The following CSNK1A1 variants were observed in gnomAD, a reference collection of about 807,000 sequenced individuals.
The protein encoded by CSNK1A1 is casein kinase I isoform alpha.
In CSNK1A1, 7 loss-of-function variants were observed where a neutral mutation model predicts 46.1. The observed-to-expected ratio is 0.15, with a 90% CI of 0.09 to 0.29. The LOEUF (loss-of-function observed/expected upper bound fraction) is 0.29, where lower values mean the gene tolerates loss of function less well. Among genes scored for constraint, CSNK1A1 ranks in the 10% least tolerant of loss-of-function variants. CSNK1A1 has a pLI of 1.00. For missense variants in CSNK1A1, 96 were observed against 417.1 expected, an observed-to-expected ratio of 0.23 and a Z score of 6.71; for synonymous variants, 137 against 141.5, an observed-to-expected ratio of 0.97 and a Z score of 0.23.
At chr5:149,498,935 T>C (rs1760738443) in intron 9 of CSNK1A1, 1 of 985,376 alleles carries the variant, frequency 1.0e-6, no homozygotes, top group Non-Finnish European at 1.2e-6. Flanking sequence ...AGTCAATAAA[T>C]GATTACAATT....
intron 9 of CSNK1A1, 134 bp downstream of exon 9, chr5:149,505,311 CTT>C (rs573347539): frequency 2.7e-4 from 301 of 1,095,462 alleles, no homozygotes; most frequent in South Asian, 9.6e-4. Context: ...CCAAGGACGT[CTT>C]TTTTTTTTTA....
At chr5:149,499,755 A>T (rs7721529) in intron 9 of CSNK1A1, among the ~76,000 whole-genome samples, 98,045 of 151,750 alleles carry the variant, frequency 0.65, 32,967 homozygotes, top group East Asian at 0.99. Context: ...TAATTTCAAC[A>T]GTTTTCGACT....
rs951552341 is a variant in CSNK1A1 at position 149,551,279 on chromosome 5, G to C, written c.-315C>G. On this transcript the variant is annotated 5_prime_UTR_variant, in exon 1 of 10. Coordinates refer to ENST00000377843, the MANE Select transcript of CSNK1A1 (RefSeq NM_001892.6). ...TCGCGGGCTGGAAAAGGGGCGCGGT[G>C]AGCTAGGGCGGCGATACCGCTGCCA... 3.6e-6 allele frequency: 1 copy of C among 275,210 alleles called. No individual in the cohort carries two copies. Among genetic ancestry groups the C allele is most frequent in the East Asian group, 9.8e-5 (1 of 10,162 alleles). 17.0% of individuals were successfully genotyped at this position (275,210 alleles called of 1,614,324 possible).
Position 149,551,018 on chromosome 5 carries a change from G to T in CSNK1A1, c.-54C>A. ...CAAGCCCCGACACCTCTGGGAAGAG[G>T]ACGGAGGCCTCGGGGCTCCTACACT... is the stretch of plus-strand genomic sequence containing the variant. On this transcript the variant is annotated 5_prime_UTR_variant, in exon 1 of 10. Transcript: ENST00000377843. 6.2e-7 allele frequency: 1 copy of T among 1,608,198 alleles called. No individual in the cohort carries two copies.
intron 2 of CSNK1A1, among the ~76,000 whole-genome samples, chr5:149,534,354 C>T (rs1253846852): frequency 6.6e-6 from 1 of 151,664 alleles, no homozygotes; most frequent in Non-Finnish European, 1.5e-5. Context: ...TGGTGGCGCA[C>T]GCCTGTAGTC....
At chr5:149,506,052 G>A (rs1761012254) in intron 8 of CSNK1A1, among the ~76,000 whole-genome samples, 1 of 151,634 alleles carries the variant, frequency 6.6e-6, no homozygotes, top group South Asian at 2.1e-4. Flanking sequence ...TCGGCCTCCT[G>A]AGTAGCTGGG....
At chr5:149,523,688 T>C (rs1344452712) in intron 3 of CSNK1A1, among the ~76,000 whole-genome samples, 2 of 152,364 alleles carry the variant, frequency 1.3e-5, no homozygotes, top group South Asian at 2.1e-4. Flanking sequence ...AGTTTTTTCA[T>C]TGATCTATAA....
Position 149,516,616 on chromosome 5 carries a change from T to C in CSNK1A1, c.457-3407A>G, listed in dbSNP as rs78620713. Among the ~76,000 whole-genome samples the C allele has an allele frequency of 0.016, 2,459 of 152,240 alleles. 271 individuals carry two copies. In the East Asian group the frequency reaches 0.32, roughly 20 times the overall value. Reference sequence around the variant, plus strand: ...ACTTTCTTTGTAAATTATTAAATGATGCTACGAAATGTAAGCAAAATATGT... The same window carrying C: ...ACTTTCTTTGTAAATTATTAAATGACGCTACGAAATGTAAGCAAAATATGT... On this transcript the variant is annotated intron_variant, in intron 4 of 9. Transcript: ENST00000377843.
chr5:149,540,886 T>C (rs745933743), intron 2 of CSNK1A1, among the ~76,000 whole-genome samples: 18 of 151,794 alleles, frequency 1.2e-4, no homozygotes, highest in Non-Finnish European at 1.6e-4. Flanking sequence ...AAGACCAGCC[T>C]GGCCAATACG....
rs1761280454 is a variant in CSNK1A1 at position 149,513,050 on chromosome 5, C to T, written c.596+20G>A. ...GCTTCTGCTATGGCTATGATAAGCA[C>T]ATTCCATTTTCGAACTTACCTCTGC... On this transcript the variant is annotated intron_variant, in intron 5 of 9. Coordinates refer to ENST00000377843, the MANE Select transcript of CSNK1A1 (RefSeq NM_001892.6). 1 of 1,613,026 alleles carries T rather than the reference C, an allele frequency of 6.2e-7. No homozygotes were observed. The highest frequency in any genetic ancestry group is 8.5e-7 in the Non-Finnish European group (1 of 1,179,590).
chr5:149,542,682 A>ATG (rs1762335730), intron 2 of CSNK1A1, among the ~76,000 whole-genome samples: 1 of 15,530 alleles, frequency 6.4e-5, no homozygotes, highest in Admixed American at 1.3e-3. Context: ...GTATATATAT[A>ATG]TATATATATA....
At chr5:149,505,378 T>C in intron 9 of CSNK1A1, 69 bp downstream of exon 9, 2 of 1,562,512 alleles carry the variant, frequency 1.3e-6, no homozygotes, top group South Asian at 2.4e-5. Context: ...CTAACACTGT[T>C]AGAAATGAAT....
rs1003195552 is a variant in CSNK1A1, at chr5:149,544,904, G to A, written c.230+5171C>T. Among the ~76,000 whole-genome samples, 26 of 151,414 alleles carry A rather than the reference G, an allele frequency of 1.7e-4. No individual in the cohort carries two copies. The East Asian group carries it at 4.3e-3, about 25-fold the overall frequency. ...TAATCCCAGCACTTTGGCGGGCCGA[G>A]GTGGGTGGATCATCTGAGGTCAGGA... On this transcript the variant is annotated intron_variant, in intron 2 of 9. Coordinates refer to ENST00000377843, the MANE Select transcript of CSNK1A1 (RefSeq NM_001892.6).
chr5:149,509,029 G>A (rs1761128321), intron 7 of CSNK1A1, among the ~76,000 whole-genome samples: 1 of 152,138 alleles, frequency 6.6e-6, no homozygotes, highest in South Asian at 2.1e-4. Context: ...CTGGGCTCAA[G>A]CATCCTGCCC....
intron 4 of CSNK1A1, among the ~76,000 whole-genome samples, chr5:149,519,081 T>C (rs1422435714): frequency 6.6e-6 from 1 of 152,178 alleles, no homozygotes. Context: ...CTATAAAATA[T>C]TTTTTAATGC....
intron 2 of CSNK1A1, among the ~76,000 whole-genome samples, chr5:149,544,517 A>T (rs1157043841): frequency 3.4e-5 from 5 of 147,780 alleles, no homozygotes; most frequent in African/African-American, 5.0e-5. Flanking sequence ...ATTTAAAAAA[A>T]TTTTTAAATT....
chr5:149,550,349 GC>G lies in CSNK1A1; in HGVS notation c.124-169del. 3.5e-6 allele frequency: 5 copies of G among 1,424,028 alleles called. No homozygotes were observed. The highest frequency in any genetic ancestry group is 4.6e-6 in the Non-Finnish European group (5 of 1,093,836). 88.2% of individuals were successfully genotyped at this position (1,424,028 alleles called of 1,614,324 possible). A position where few individuals can be genotyped will look rare whatever the true frequency, so the allele number is the denominator to read the frequency against. On this transcript the variant is annotated intron_variant, in intron 1 of 9. Coordinates refer to ENST00000377843, the MANE Select transcript of CSNK1A1 (RefSeq NM_001892.6). This position sits in a 1 kb window ranked among gnomAD's most constrained non-coding sequence, Gnocchi z 4.3. Reference sequence around the variant, plus strand: ...TAAAACGAGGCAACCAGCCTCAAAGGCCTCTTCAGGGGGTAGTGACGAAATC... The same window carrying G: ...TAAAACGAGGCAACCAGCCTCAAAGGCTCTTCAGGGGGTAGTGACGAAATC...
chr5:149,500,498 C>T (rs1251302510), intron 9 of CSNK1A1, among the ~76,000 whole-genome samples: 1 of 150,422 alleles, frequency 6.6e-6, no homozygotes, highest in African/African-American at 2.4e-5. Flanking sequence ...AGGATGGTCT[C>T]AATCTCCTGA....
At chr5:149,507,951 GTA>G (rs1412281390) in intron 7 of CSNK1A1, among the ~76,000 whole-genome samples, 3 of 152,130 alleles carry the variant, frequency 2.0e-5, no homozygotes, top group African/African-American at 7.2e-5. Context: ...TCTCAACAAT[GTA>G]TAAACATTTT....
Sources: gnomAD v4.1 joint callset for allele counts (sites outside exome capture counted in the v4.1 genomes callset) on GRCh38, gnomAD v4.1.1 for gene constraint, Gnocchi (gnomAD v3.1) non-coding constraint, MANE v1.5 for transcripts, NCBI Gene and HGNC (gene_info 2026-07-23, HGNC 2026-07-21) for gene names.